The following SYT16 variants were observed in gnomAD, a reference collection of about 807,000 sequenced individuals.
The protein encoded by SYT16 is synaptotagmin 16.
Under a neutral mutation model 61.4 loss-of-function variants are expected in SYT16, and 42 were observed. That is an observed-to-expected ratio of 0.68 (90% CI 0.53 to 0.89). The LOEUF is 0.89. SYT16 is among the 40% of genes least tolerant of loss of function. The pLI is 0.00. For synonymous variants in SYT16, 314 were observed against 302.3 expected (o/e 1.04, Z -0.40); for missense variants, 804 against 807.3 (o/e 1.00, Z 0.05).
chr14:61,961,943 A>G (rs186310846), intron 1 of SYT16, among the ~76,000 whole-genome samples: 46 of 152,298 alleles, frequency 3.0e-4, no homozygotes, highest in Middle Eastern at 3.4e-3. Flanking sequence ...GCCATAGAAA[A>G]GAATGAGATT....
chr14:62,034,976 G>C (rs1260070451), intron 3 of SYT16, among the ~76,000 whole-genome samples: 1 of 152,184 alleles, frequency 6.6e-6, no homozygotes, highest in African/African-American at 2.4e-5. Flanking sequence ...ATTTGACTGA[G>C]TGTCCTACCC....
intron 1 of SYT16, among the ~76,000 whole-genome samples, chr14:61,870,298 T>A (rs889767934): frequency 6.6e-6 from 1 of 152,220 alleles, no homozygotes; most frequent in Non-Finnish European, 1.5e-5. Flanking sequence ...TCCACTGTCT[T>A]CTGACTTGCA....
intron 1 of SYT16, among the ~76,000 whole-genome samples, chr14:61,815,109 C>G (rs147502757): frequency 3.3e-5 from 5 of 152,174 alleles, no homozygotes; most frequent in African/African-American, 1.2e-4. Flanking sequence ...TCAAACAGAT[C>G]GCTGGACTTC....
chr14:61,858,426 A>G (rs1000070837), intron 1 of SYT16, among the ~76,000 whole-genome samples: 3 of 152,226 alleles, frequency 2.0e-5, no homozygotes, highest in African/African-American at 7.2e-5. Context: ...TCCCACCAAT[A>G]CATCAACTCT....
intron 1 of SYT16, among the ~76,000 whole-genome samples, chr14:61,838,547 C>G (rs1231714540): frequency 6.6e-6 from 1 of 152,218 alleles, no homozygotes; most frequent in African/African-American, 2.4e-5. Flanking sequence ...GTCTGTGTTT[C>G]TGACAGAACA....
intron 3 of SYT16, among the ~76,000 whole-genome samples, chr14:62,058,242 G>C (rs1039702418): frequency 6.6e-6 from 1 of 151,382 alleles, no homozygotes; most frequent in East Asian, 1.9e-4. Flanking sequence ...ATGAACATTT[G>C]TAAGTCTTTG....
intron 1 of SYT16, among the ~76,000 whole-genome samples, chr14:61,833,764 G>A (rs1213222228): frequency 2.1e-5 from 3 of 142,980 alleles, no homozygotes; most frequent in African/African-American, 7.7e-5. Flanking sequence ...AGGGCACTCA[G>A]CAGCTTCCTC....
At chr14:61,907,190 A>G (rs952168563) in intron 1 of SYT16, among the ~76,000 whole-genome samples, 4 of 152,186 alleles carry the variant, frequency 2.6e-5, no homozygotes, top group Non-Finnish European at 5.9e-5. Context: ...GTGCATCATG[A>G]AAGTGGCTTT....
intron 1 of SYT16, among the ~76,000 whole-genome samples, chr14:61,833,706 CTTTTTTTTT>C (rs11357318): frequency 4.1e-5 from 2 of 48,358 alleles, no homozygotes; most frequent in Admixed American, 5.2e-4. Context: ...CCAGCAGTGG[CTTTTTTTTT>C]TTTTTTTTTT....
chr14:61,905,579 G>A (rs137877965), intron 1 of SYT16, among the ~76,000 whole-genome samples: 3 of 152,286 alleles, frequency 2.0e-5, no homozygotes, highest in East Asian at 1.9e-4. Context: ...GCAACCTTCT[G>A]TGTAATTATC....
intron 1 of SYT16, among the ~76,000 whole-genome samples, chr14:61,931,151 C>T (rs1290197905): frequency 6.6e-6 from 1 of 152,090 alleles, no homozygotes; most frequent in Non-Finnish European, 1.5e-5. Context: ...TTCAGTGGCT[C>T]CCCTACCTCC....
At chr14:62,023,921 G>A (rs1311621920) in intron 3 of SYT16, among the ~76,000 whole-genome samples, 1 of 151,976 alleles carries the variant, frequency 6.6e-6, no homozygotes, top group Non-Finnish European at 1.5e-5. Flanking sequence ...TGATTCTAAA[G>A]TTTATATGGG....
At chr14:62,062,648 A>C (rs192390831) in intron 3 of SYT16, among the ~76,000 whole-genome samples, 7 of 152,164 alleles carry the variant, frequency 4.6e-5, no homozygotes, top group Non-Finnish European at 1.0e-4. Context: ...CCTAGGGTCT[A>C]ATGTGGGCAG....
At chr14:61,962,169 A>G (rs745785194) in intron 1 of SYT16, among the ~76,000 whole-genome samples, 1 of 152,122 alleles carries the variant, frequency 6.6e-6, no homozygotes, top group Non-Finnish European at 1.5e-5. Context: ...ATTGGATACT[A>G]TGCCTATTAC....
chr14:62,019,081 A>G (rs1425325312), intron 3 of SYT16, among the ~76,000 whole-genome samples: 1 of 152,240 alleles, frequency 6.6e-6, no homozygotes, highest in Non-Finnish European at 1.5e-5. Context: ...TTAGTTTTGT[A>G]ATCAGTGGAA....
chr14:61,992,911 A>G (rs1342090540), intron 2 of SYT16, among the ~76,000 whole-genome samples: 1 of 152,180 alleles, frequency 6.6e-6, no homozygotes, highest in African/African-American at 2.4e-5. Context: ...CAGTTTAAGT[A>G]ACAGGGAATC....
intron 6 of SYT16, among the ~76,000 whole-genome samples, chr14:62,082,735 G>C (rs2056752899): frequency 6.6e-6 from 1 of 152,202 alleles, no homozygotes; most frequent in African/African-American, 2.4e-5. Flanking sequence ...CTGCGTGATA[G>C]AGCTTGGGAA....
At chr14:61,939,371 A>G (rs2140445593) in intron 1 of SYT16, among the ~76,000 whole-genome samples, 1 of 152,320 alleles carries the variant, frequency 6.6e-6, no homozygotes, top group South Asian at 2.1e-4. Context: ...TTTACGAAAG[A>G]CACTGTATTA....
intron 1 of SYT16, among the ~76,000 whole-genome samples, chr14:61,913,704 T>TGTGTGTG (rs149203556): frequency 4.1e-5 from 6 of 145,758 alleles, no homozygotes; most frequent in Non-Finnish European, 7.5e-5. Context: ...CTTTGGGTCT[T>TGTGTGTG]TGTGTGTGTG....
Sources: gnomAD v4.1 joint callset for allele counts (sites outside exome capture counted in the v4.1 genomes callset) on GRCh38, gnomAD v4.1.1 for gene constraint, MANE v1.5 for transcripts, NCBI Gene and HGNC (gene_info 2026-07-23, HGNC 2026-07-21) for gene names.